ZNF385B: variants seen among roughly 807,000 people sequenced by gnomAD.
ZNF385B encodes the protein zinc finger protein 385B.
A neutral mutation model predicts 39.2 loss-of-function variants in ZNF385B; 23 were observed. The ratio of observed to expected loss-of-function variants is 0.59; its 90% CI spans 0.42 to 0.83. ZNF385B has a LOEUF of 0.83. Among genes scored for constraint, ZNF385B ranks in the 40% least tolerant of loss-of-function variants. ZNF385B has a pLI of 0.00. For synonymous variants in ZNF385B, 205 were observed against 222.6 expected, an observed-to-expected ratio of 0.92 and a Z score of 0.70; for missense variants, 552 against 598.9, an observed-to-expected ratio of 0.92 and a Z score of 0.82.
chr2:179,853,844 C>T (rs963705234), intron 1 of ZNF385B, among the ~76,000 whole-genome samples: 1 of 152,142 alleles, frequency 6.6e-6, no homozygotes, highest in Non-Finnish European at 1.5e-5. Context: ...GGTTAAGTAA[C>T]TTAGTCAAAG....
intron 4 of ZNF385B, among the ~76,000 whole-genome samples, chr2:179,521,223 G>A (rs920685955): frequency 4.0e-5 from 6 of 151,688 alleles, no homozygotes; most frequent in East Asian, 1.9e-4. Context: ...GTCTTGCTCC[G>A]TGGCCCAGGC....
intron 1 of ZNF385B, among the ~76,000 whole-genome samples, chr2:179,847,922 C>T (rs1285374959): frequency 1.3e-5 from 2 of 151,722 alleles, no homozygotes; most frequent in East Asian, 3.9e-4. Flanking sequence ...AACAAAGAAG[C>T]CTATAACTAG....
intron 1 of ZNF385B, among the ~76,000 whole-genome samples, chr2:179,849,601 C>T (rs187248013): frequency 5.3e-5 from 8 of 152,206 alleles, no homozygotes; most frequent in South Asian, 4.2e-4. Flanking sequence ...AAGAATATTC[C>T]GGTATTTTTC....
rs1697225974 is a variant in ZNF385B, at chr2:179,678,908, C to A, written c.298+90595G>T. On this transcript the variant is annotated intron_variant, in intron 3 of 9. Coordinates refer to ENST00000410066, the MANE Select transcript of ZNF385B (RefSeq NM_152520.6). Reference sequence around the variant, plus strand: ...CCACACATTCCCACATGATGTTGAGCATTAACAATAATGTGTATGAAAATT... The same window carrying A: ...CCACACATTCCCACATGATGTTGAGAATTAACAATAATGTGTATGAAAATT... Among the ~76,000 whole-genome samples the A allele has an allele frequency of 2.0e-5, 3 of 152,158 alleles. 1 individual carries two copies. The South Asian group carries it at 6.2e-4, about 32-fold the overall frequency.
chr2:179,466,943 A>AAAAAAAAAAG (rs1559276782), intron 6 of ZNF385B, among the ~76,000 whole-genome samples: 1 of 145,918 alleles, frequency 6.9e-6, no homozygotes, highest in African/African-American at 2.5e-5. Flanking sequence ...AAAAAAAAAA[A>AAAAAAAAAAG]AGAGAGAGAG....
At chr2:179,521,915 TC>T (rs1321934399) in intron 4 of ZNF385B, among the ~76,000 whole-genome samples, 1 of 152,182 alleles carries the variant, frequency 6.6e-6, no homozygotes, top group Non-Finnish European at 1.5e-5. Flanking sequence ...ATTCTGTATT[TC>T]CTTAAGGTTT....
intron 5 of ZNF385B, among the ~76,000 whole-genome samples, chr2:179,505,602 A>C (rs1409832223): frequency 6.6e-6 from 1 of 152,170 alleles, no homozygotes; most frequent in Non-Finnish European, 1.5e-5. Context: ...AATGAAAATT[A>C]CTTTTCAGAG....
chr2:179,449,804 A>G (rs1435168471), intron 6 of ZNF385B, among the ~76,000 whole-genome samples: 1 of 152,178 alleles, frequency 6.6e-6, no homozygotes, highest in Non-Finnish European at 1.5e-5. Flanking sequence ...GTCAATCCTA[A>G]GCCAAAAGAA....
In ZNF385B at chr2:179,803,681, A is replaced by T. The variant is rs535065706; in HGVS notation, c.-154-33009T>A. On this transcript the variant is annotated intron_variant, in intron 1 of 9. Transcript: ENST00000410066. Reference sequence around the variant, plus strand: ...ACAGAACAATCAATCAGCAAATATCAGTAGCATTTACTGAGTGCAAAGCCC... The same window carrying T: ...ACAGAACAATCAATCAGCAAATATCTGTAGCATTTACTGAGTGCAAAGCCC... 2.6e-5 allele frequency among the ~76,000 whole-genome samples: 4 copies of T among 152,310 alleles called. No homozygotes were observed. In the South Asian group the frequency reaches 6.2e-4, roughly 24 times the overall value.
At chr2:179,784,194 C>T (rs971826566) in intron 1 of ZNF385B, among the ~76,000 whole-genome samples, 1 of 152,048 alleles carries the variant, frequency 6.6e-6, no homozygotes, top group African/African-American at 2.4e-5. Context: ...GAGCTGGAGG[C>T]TATCATCCTT....
intron 6 of ZNF385B, chr2:179,481,273 G>A (rs763154670): frequency 6.6e-5 from 10 of 152,100 alleles, no homozygotes; most frequent in Non-Finnish European, 1.2e-4. Flanking sequence ...TATACTCATT[G>A]AAATTGGTCA....
chr2:179,503,878 C>CTTTTTTTTTTTTTTTTCTTT (rs534423777), intron 5 of ZNF385B, among the ~76,000 whole-genome samples: 1 of 120,322 alleles, frequency 8.3e-6, no homozygotes. Context: ...TTTTTTCATT[C>CTTTTTTTTTTTTTTTTCTTT]TTTTTTTTTT....
At chr2:179,606,133 C>A (rs1688780878) in intron 3 of ZNF385B, among the ~76,000 whole-genome samples, 1 of 152,060 alleles carries the variant, frequency 6.6e-6, no homozygotes, top group Admixed American at 6.6e-5. Context: ...TTAACATTTA[C>A]ACAAAATTAA....
intron 1 of ZNF385B, among the ~76,000 whole-genome samples, chr2:179,801,099 T>C (rs780777065): frequency 5.9e-5 from 9 of 152,082 alleles, no homozygotes; most frequent in Admixed American, 3.9e-4. Flanking sequence ...CAGTGTCTAT[T>C]TCTTGCTAGG....
At chr2:179,657,089 T>G (rs1693859500) in intron 3 of ZNF385B, among the ~76,000 whole-genome samples, 1 of 152,188 alleles carries the variant, frequency 6.6e-6, no homozygotes, top group Non-Finnish European at 1.5e-5. Context: ...GAGGTCACTC[T>G]GTATTGGGGC....
At chr2:179,767,679 T>C (rs1703784539) in intron 3 of ZNF385B, among the ~76,000 whole-genome samples, 1 of 152,140 alleles carries the variant, frequency 6.6e-6, no homozygotes, top group Non-Finnish European at 1.5e-5. Flanking sequence ...CAGTAGATAG[T>C]GTACGCATGC....
chr2:179,822,673 G>C (rs1020035558), intron 1 of ZNF385B, among the ~76,000 whole-genome samples: 1 of 152,196 alleles, frequency 6.6e-6, no homozygotes, highest in Non-Finnish European at 1.5e-5. Context: ...TTTGGGTATA[G>C]AGGTAGCAAA....
intron 3 of ZNF385B, among the ~76,000 whole-genome samples, chr2:179,640,153 A>C (rs963538451): frequency 6.6e-6 from 1 of 152,200 alleles, no homozygotes; most frequent in Non-Finnish European, 1.5e-5. Context: ...CAAAGACCTG[A>C]CCATTAAATG....
intron 3 of ZNF385B, chr2:179,576,145 C>T (rs1014241769): frequency 1.0e-6 from 1 of 985,382 alleles, no homozygotes; most frequent in African/African-American, 1.7e-5. Flanking sequence ...GTCTCAAATC[C>T]ATCCCTGTGA....
Sources: gnomAD v4.1 joint callset for allele counts (sites outside exome capture counted in the v4.1 genomes callset) on GRCh38, gnomAD v4.1.1 for gene constraint, MANE v1.5 for transcripts, NCBI Gene and HGNC (gene_info 2026-07-23, HGNC 2026-07-21) for gene names.